The following KCNQ5 variants were observed in gnomAD, a reference collection of about 807,000 sequenced individuals.
KCNQ5 encodes the protein potassium voltage-gated channel subfamily Q member 5.
KCNQ5 carries 30 observed loss-of-function variants against 98.2 expected under a neutral mutation model. The ratio of observed to expected loss-of-function variants is 0.31; its 90% confidence interval spans 0.23 to 0.41. KCNQ5 has a LOEUF of 0.41. Ranked by LOEUF, KCNQ5 falls within the 10% of genes least tolerant of loss-of-function variation. The probability of loss-of-function intolerance (pLI) is 1.00; values close to 1 mark genes in which losing one functional copy is unlikely to be tolerated. For missense variants in KCNQ5, 835 were observed against 1,182.5 expected (o/e 0.71, Z 4.31); for synonymous variants, 458 against 449.4 (o/e 1.02, Z -0.24).
intron 1 of KCNQ5, among the ~76,000 whole-genome samples, chr6:72,891,441 AC>A (rs565842239): frequency 1.0e-3 from 156 of 152,312 alleles, no homozygotes; most frequent in African/African-American, 3.6e-3. Flanking sequence ...GATCCTTCAT[AC>A]CCAGATCACC....
At chr6:73,122,806 G>A (rs1775797288) in intron 8 of KCNQ5, among the ~76,000 whole-genome samples, 1 of 152,162 alleles carries the variant, frequency 6.6e-6, no homozygotes, top group African/African-American at 2.4e-5. Flanking sequence ...CAATTTTAAT[G>A]TATTCACAGA....
chr6:73,008,382 CA>C (rs1388958762), intron 2 of KCNQ5, among the ~76,000 whole-genome samples: 1 of 151,908 alleles, frequency 6.6e-6, no homozygotes, highest in African/African-American at 2.4e-5. Flanking sequence ...ACTTTAGATT[CA>C]AAGACACAAA....
chr6:73,170,420 CCACACACACACACACACA>C (rs57867720), intron 11 of KCNQ5, among the ~76,000 whole-genome samples: 45 of 140,918 alleles, frequency 3.2e-4, no homozygotes, highest in East Asian at 2.2e-3. Context: ...ACCTTTCCCA[CCACACACACACACACACA>C]CACACACACA....
At chr6:72,690,311 T>C (rs1028368197) in intron 1 of KCNQ5, among the ~76,000 whole-genome samples, 1 of 152,160 alleles carries the variant, frequency 6.6e-6, no homozygotes, top group Non-Finnish European at 1.5e-5. Flanking sequence ...ACATAGTTGC[T>C]GTCCTATGTT....
At chr6:73,026,999 G>A (rs781466158) in intron 2 of KCNQ5, among the ~76,000 whole-genome samples, 6 of 152,222 alleles carry the variant, frequency 3.9e-5, no homozygotes, top group Non-Finnish European at 7.4e-5. Flanking sequence ...TGTTCTGAGC[G>A]TCCCACTCTG....
intron 1 of KCNQ5, among the ~76,000 whole-genome samples, chr6:72,888,119 G>T (rs991100620): frequency 1.2e-4 from 18 of 152,082 alleles, no homozygotes; most frequent in African/African-American, 3.9e-4. Context: ...GATAAAGACG[G>T]TTAATACATA....
chr6:73,061,925 G>C (rs1162733604), intron 3 of KCNQ5, among the ~76,000 whole-genome samples: 2 of 152,084 alleles, frequency 1.3e-5, no homozygotes, highest in Non-Finnish European at 2.9e-5. Flanking sequence ...TATCAACTCA[G>C]ACCATCTTTG....
At chr6:73,003,279 TC>T (rs1477479855) in intron 1 of KCNQ5, among the ~76,000 whole-genome samples, 1 of 152,186 alleles carries the variant, frequency 6.6e-6, no homozygotes, top group African/African-American at 2.4e-5. Context: ...AGCTGAGAAG[TC>T]ATTTATCCAG....
At chr6:73,007,091 G>A (rs1208505563) in intron 2 of KCNQ5, among the ~76,000 whole-genome samples, 1 of 152,090 alleles carries the variant, frequency 6.6e-6, no homozygotes, top group Non-Finnish European at 1.5e-5. Flanking sequence ...CATCCAAAAA[G>A]GAAGTCTCCC....
Position 73,022,394 on chromosome 6 carries a change from C to T in KCNQ5, c.489+18396C>T, listed in dbSNP as rs562726554. 2.6e-5 allele frequency among the ~76,000 whole-genome samples: 4 copies of T among 152,182 alleles called. No individual in the cohort carries two copies. In the South Asian group the frequency reaches 6.2e-4, roughly 24 times the overall value. On this transcript the variant is annotated intron_variant, in intron 2 of 13. Transcript: ENST00000370398. ...CAGTGGCTTATGCCTATAATCCCAG[C>T]AACTTGGAATGCTGAGGAAAGGGGA...
chr6:72,956,112 T>C (rs1004732880), intron 1 of KCNQ5, among the ~76,000 whole-genome samples: 1 of 152,256 alleles, frequency 6.6e-6, no homozygotes. Context: ...TGCTTCGTGT[T>C]GGATACATTT....
At chr6:73,081,981 C>G (rs1181954672) in intron 5 of KCNQ5, among the ~76,000 whole-genome samples, 2 of 152,240 alleles carry the variant, frequency 1.3e-5, no homozygotes, top group South Asian at 2.1e-4. Context: ...GCCAACATTT[C>G]CAACCCACAG....
chr6:72,900,136 T>TA lies in KCNQ5; in HGVS notation c.399-103771dup, dbSNP rs540168271. ...CAGGCGTCAGCCACTGCGCCTGGCC[T>TA]ATTGCACCATTCTTATGCATTTGTG... On this transcript the variant is annotated intron_variant, in intron 1 of 13. Coordinates refer to ENST00000370398, the MANE Select transcript of KCNQ5 (RefSeq NM_019842.4). 6.1e-3 allele frequency among the ~76,000 whole-genome samples: 928 copies of TA among 152,162 alleles called. 5 individuals carry two copies. Among genetic ancestry groups the TA allele is most frequent in the Non-Finnish European group, 9.7e-3 (658 of 67,980 alleles).
intron 1 of KCNQ5, among the ~76,000 whole-genome samples, chr6:72,723,420 C>T (rs991611003): frequency 6.6e-6 from 1 of 151,986 alleles, no homozygotes; most frequent in Non-Finnish European, 1.5e-5. Flanking sequence ...TCTTGATATA[C>T]CTGTTACTTT....
intron 1 of KCNQ5, among the ~76,000 whole-genome samples, chr6:72,930,482 G>C (rs891649808): frequency 4.6e-4 from 67 of 146,298 alleles, no homozygotes; most frequent in African/African-American, 1.7e-3. Context: ...CATGTTTGCT[G>C]TTAACTAAGT....
chr6:72,708,823 AC>A (rs995897310), intron 1 of KCNQ5, among the ~76,000 whole-genome samples: 3 of 146,656 alleles, frequency 2.0e-5, no homozygotes, highest in Non-Finnish European at 3.0e-5. Flanking sequence ...GCCCACAAAT[AC>A]TTTTTTTTTT....
Position 72,986,954 on chromosome 6 carries a change from G to C in KCNQ5, c.399-16954G>C. The C allele has an allele frequency of 6.1e-6, 5 of 826,380 alleles. No homozygotes were observed. In the South Asian group the frequency reaches 7.8e-5, roughly 13 times the overall value. The allele number at this position is 826,380 out of a possible 1,614,324, so 51.2% of individuals were successfully genotyped here. ...AGCCTTGGGGCAGATAACGGAAGCA[G>C]AAGAGCCCCAGGGAGCACAGTGGGA... On this transcript the variant is annotated intron_variant, in intron 1 of 13. Coordinates refer to ENST00000370398, the MANE Select transcript of KCNQ5 (RefSeq NM_019842.4).
chr6:73,051,705 C>CAAAAAAAAAAAAAAAA (rs201199934), intron 3 of KCNQ5, among the ~76,000 whole-genome samples: 5 of 97,178 alleles, frequency 5.1e-5, no homozygotes, highest in African/African-American at 2.1e-4. Context: ...AAGATAGAGG[C>CAAAAAAAAAAAAAAAA]AAAAAAAAAA....
chr6:72,746,150 T>C (rs1269476353), intron 1 of KCNQ5, among the ~76,000 whole-genome samples: 1 of 145,562 alleles, frequency 6.9e-6, no homozygotes. Flanking sequence ...AACATTTCTT[T>C]ATAGGAGACA....
Sources: gnomAD v4.1 joint callset for allele counts (sites outside exome capture counted in the v4.1 genomes callset) on GRCh38, gnomAD v4.1.1 for gene constraint, MANE v1.5 for transcripts, NCBI Gene and HGNC (gene_info 2026-07-23, HGNC 2026-07-21) for gene names.